The following FAM193B variants were observed in gnomAD, a reference collection of about 807,000 sequenced individuals.
The protein encoded by FAM193B is protein FAM193B.
In FAM193B, 27 loss-of-function variants were observed where a neutral mutation model predicts 70.7. The observed-to-expected ratio is 0.38, with a 90% CI of 0.28 to 0.53. The LOEUF (loss-of-function observed/expected upper bound fraction) is 0.53. Ranked by LOEUF, FAM193B falls within the 20% of genes least tolerant of loss-of-function variation. FAM193B has a pLI of 0.81. For missense variants in FAM193B, 1,022 were observed against 1,072.5 expected, an observed-to-expected ratio of 0.95 and a Z score of 0.66; for synonymous variants, 448 against 436.0, an observed-to-expected ratio of 1.03 and a Z score of -0.34.
intron 8 of FAM193B, 39 bp downstream of exon 8, chr5:177,521,934 CA>C: frequency 1.3e-6 from 2 of 1,527,040 alleles, no homozygotes; most frequent in Non-Finnish European, 1.8e-6. Flanking sequence ...TGGCCAAGCA[CA>C]GGGAGAGGCA....
chr5:177,539,282 A>C, intron 1 of FAM193B, 135 bp from the exon 2 acceptor site: 1 of 1,120,494 alleles, frequency 8.9e-7, no homozygotes, highest in Non-Finnish European at 1.2e-6. Flanking sequence ...ATTAAAATTT[A>C]GTCCTTGTAA....
chr5:177,536,499 A>G lies in FAM193B; in HGVS notation c.935T>C (p.Leu312Pro). 6.4e-7 allele frequency: 1 copy of G among 1,568,476 alleles called. No individual in the cohort carries two copies. The highest frequency in any genetic ancestry group is 8.6e-7 in the Non-Finnish European group (1 of 1,162,734). Residue 312 changes from leucine to proline, a missense_variant, in exon 4 of 9, where the codon CTA becomes CCA. Coordinates refer to ENST00000514747, the MANE Select transcript of FAM193B (RefSeq NM_001190946.3). ...HTPGPCQSSH[L>P]PSTSMPLLKM... ...CAGGAGCGGCATGCTGGTGGAGGGT[A>G]GATGGGAGCTCTGACATGGCCCTGG...
Position 177,531,909 on chromosome 5 carries a change from A to G in FAM193B, c.1275+534T>C. The G allele has an allele frequency of 5.8e-6, 7 of 1,207,390 alleles. No individual in the cohort carries two copies. In the Admixed American group the frequency reaches 1.4e-4, roughly 23 times the overall value. 74.8% of individuals were successfully genotyped at this position (1,207,390 alleles called of 1,614,324 possible). ...CAATTTAATTACTTTCATTTCTTCT[A>G]TCCTCAGCTGCTCTACCCTAACCAG... is the stretch of plus-strand genomic sequence containing the variant. On this transcript the variant is annotated intron_variant, in intron 5 of 8. Transcript: ENST00000514747.
chr5:177,536,835 C>T (rs1764235931), intron 3 of FAM193B, 90 bp from the exon 4 acceptor site: 4 of 1,485,072 alleles, frequency 2.7e-6, no homozygotes, highest in Non-Finnish European at 3.6e-6. Context: ...CATCCTGCTT[C>T]TGTGACAAGA....
chr5:177,540,168 A>C (rs1197136718), intron 1 of FAM193B, among the ~76,000 whole-genome samples: 2 of 152,074 alleles, frequency 1.3e-5, no homozygotes, highest in Admixed American at 1.3e-4. Context: ...TTAGCTGGGC[A>C]TGGTGGCAAG....
At position 177,525,097 on chromosome 5, in the gene FAM193B, G is replaced by T. The variant is rs769082254; in HGVS notation, c.1384C>A (p.Arg462=). ...AAGCTGTTGACCCGATCCAGTTCCCGGTCGGGCCACTCCAAGAGCCTCTCC... is the reference window on the plus strand; with the variant it reads ...AAGCTGTTGACCCGATCCAGTTCCCTGTCGGGCCACTCCAAGAGCCTCTCC... ...ARERLLEWPD[R]ELDRVNSFLS... is the part of the protein sequence containing the mutation. Residue 462 remains arginine, a synonymous_variant, in exon 6 of 9, where the codon CGG becomes AGG. Transcript: ENST00000514747. 1 of 1,589,296 alleles carries T rather than the reference G, an allele frequency of 6.3e-7. No homozygotes were observed. Among genetic ancestry groups the T allele is most frequent in the African/African-American group, 1.4e-5 (1 of 73,740 alleles).
chr5:177,545,131 C>A (rs550425673), intron 1 of FAM193B, among the ~76,000 whole-genome samples: 11 of 152,216 alleles, frequency 7.2e-5, no homozygotes, highest in South Asian at 2.1e-4. Flanking sequence ...GCAACCTCCA[C>A]CTCCCATGTT....
At chr5:177,531,706 T>C in intron 5 of FAM193B, 1 of 630,434 alleles carries the variant, frequency 1.6e-6, no homozygotes, top group Non-Finnish European at 2.3e-6. Flanking sequence ...GTGAAGGGAC[T>C]AGGAGGGAAC....
chr5:177,544,348 C>G (rs1344390917), intron 1 of FAM193B, among the ~76,000 whole-genome samples: 1 of 152,180 alleles, frequency 6.6e-6, no homozygotes, highest in African/African-American at 2.4e-5. Context: ...TAAGTTAGGG[C>G]ATTCTAGTTT....
In FAM193B at chr5:177,524,684, G is replaced by T. The variant is rs1179306706; in HGVS notation, c.1797C>A (p.Val599=). The T allele has an allele frequency of 1.9e-6, 3 of 1,608,410 alleles. No homozygotes were observed. The highest frequency in any genetic ancestry group is 2.5e-6 in the Non-Finnish European group (3 of 1,177,762). The part of the protein sequence containing the change: ...TVPNLSRVIW[V]KTPKPGYPSS... ...TGGGGTAGCCCGGCTTGGGTGTCTT[G>T]ACCCAGATCACCCGGGATAGGTTGG... Residue 599 remains valine, a synonymous_variant, in exon 6 of 9, where the codon GTC becomes GTA. Transcript: ENST00000514747.
Position 177,532,365 on chromosome 5 carries a change from C to T in FAM193B, c.1275+78G>A. On this transcript the variant is annotated intron_variant, in intron 5 of 8. Transcript: ENST00000514747. This position sits in a 1 kb window ranked among gnomAD's most constrained non-coding sequence, Gnocchi z 4.9. ...TAATTACCACCGTGAGCAACGGGGT[C>T]TCTGGGGAGAGCAGGGTGCTCCTTT... The T allele has an allele frequency of 6.5e-7, 1 of 1,530,478 alleles. No homozygotes were observed. Among genetic ancestry groups the T allele is most frequent in the Non-Finnish European group, 8.8e-7 (1 of 1,141,924 alleles). The allele number at this position is 1,530,478 out of a possible 1,614,324, so 94.8% of individuals were successfully genotyped here.
At chr5:177,527,052 C>T (rs1314563975) in intron 5 of FAM193B, among the ~76,000 whole-genome samples, 1 of 152,204 alleles carries the variant, frequency 6.6e-6, no homozygotes, top group South Asian at 2.1e-4. Flanking sequence ...ACTGGTTCAC[C>T]AGGGAGTGCT....
At chr5:177,545,394 G>C (rs916662521) in intron 1 of FAM193B, among the ~76,000 whole-genome samples, 1 of 152,168 alleles carries the variant, frequency 6.6e-6, no homozygotes, top group Admixed American at 6.5e-5. Flanking sequence ...AAATTGTTAT[G>C]TTAACAAGAT....
At chr5:177,534,206 G>C (rs1276667536) in intron 4 of FAM193B, among the ~76,000 whole-genome samples, 3 of 152,094 alleles carry the variant, frequency 2.0e-5, no homozygotes, top group Admixed American at 6.6e-5. Flanking sequence ...GATTAAAAAA[G>C]ATGGTGGCAG....
intron 1 of FAM193B, among the ~76,000 whole-genome samples, chr5:177,552,379 G>A (rs986415902): frequency 1.3e-5 from 2 of 152,206 alleles, no homozygotes; most frequent in African/African-American, 2.4e-5. Flanking sequence ...TGAATCAGCA[G>A]GTCAAGTAGT....
chr5:177,545,469 A>G (rs1238033103), intron 1 of FAM193B, among the ~76,000 whole-genome samples: 1 of 152,212 alleles, frequency 6.6e-6, no homozygotes, highest in Non-Finnish European at 1.5e-5. Flanking sequence ...CTCAGCTTTA[A>G]TATTTAATTT....
intron 5 of FAM193B, among the ~76,000 whole-genome samples, chr5:177,527,440 C>T (rs1390063519): frequency 6.6e-6 from 1 of 152,116 alleles, no homozygotes; most frequent in African/African-American, 2.4e-5. Flanking sequence ...GAGCTATCAG[C>T]GATGTGGCAT....
At chr5:177,534,538 G>A (rs1424645505) in intron 4 of FAM193B, among the ~76,000 whole-genome samples, 3 of 151,712 alleles carry the variant, frequency 2.0e-5, no homozygotes, top group Non-Finnish European at 2.9e-5. Flanking sequence ...TCTTGACCTC[G>A]TGATCTGCTC....
At chr5:177,540,996 A>G (rs889099081) in intron 1 of FAM193B, among the ~76,000 whole-genome samples, 4 of 152,254 alleles carry the variant, frequency 2.6e-5, no homozygotes, top group Non-Finnish European at 4.4e-5. Context: ...GGTTTCTCAA[A>G]AAAGAAAGGA....
Sources: gnomAD v4.1 joint callset for allele counts (sites outside exome capture counted in the v4.1 genomes callset) on GRCh38, gnomAD v4.1.1 for gene constraint, Gnocchi (gnomAD v3.1) non-coding constraint, MANE v1.5 for transcripts, NCBI Gene and HGNC (gene_info 2026-07-23, HGNC 2026-07-21) for gene names.